COL5A1: variants seen among roughly 807,000 people sequenced by gnomAD.
The protein encoded by COL5A1 is collagen type V alpha 1 chain, also known as collagen alpha-1(V) chain.
COL5A1 carries 16 observed loss-of-function variants against 263.7 expected under a neutral mutation model. The ratio of observed to expected loss-of-function variants is 0.06; its 90% CI spans 0.04 to 0.09. COL5A1 has a LOEUF of 0.09. Ranked by LOEUF, COL5A1 falls within the 10% of genes least tolerant of loss-of-function variation. The pLI is 1.00. For missense variants in COL5A1, 2,036 were observed against 2,540.5 expected, an observed-to-expected ratio of 0.80 and a Z score of 4.27; for synonymous variants, 1,012 against 1,004.5, an observed-to-expected ratio of 1.01 and a Z score of -0.14.
chr9:134,706,469 G>A (rs536180560), intron 4 of COL5A1, among the ~76,000 whole-genome samples: 4 of 152,274 alleles, frequency 2.6e-5, no homozygotes, highest in African/African-American at 9.6e-5. Context: ...GGATGTGTGA[G>A]TTATCTTCAC....
intron 62 of COL5A1, among the ~76,000 whole-genome samples, chr9:134,825,172 A>G (rs947846843): frequency 5.3e-5 from 8 of 152,274 alleles, no homozygotes; most frequent in African/African-American, 1.9e-4. Context: ...GAACAGAAAC[A>G]TCTCCCAGGA....
intron 26 of COL5A1, 89 bp from the exon 27 acceptor site, chr9:134,774,770 G>T: frequency 7.5e-7 from 1 of 1,341,690 alleles, no homozygotes; most frequent in Non-Finnish European, 1.1e-6. Context: ...CTCAGCAGGA[G>T]GGGTATGCCG....
chr9:134,711,875 C>T (rs1270588300), intron 4 of COL5A1, among the ~76,000 whole-genome samples: 1 of 151,990 alleles, frequency 6.6e-6, no homozygotes, highest in Non-Finnish European at 1.5e-5. Context: ...CACTGCCTGG[C>T]CCTCCCCGCA....
At chr9:134,748,654 G>A (rs1835663389) in intron 11 of COL5A1, among the ~76,000 whole-genome samples, 1 of 152,178 alleles carries the variant, frequency 6.6e-6, no homozygotes, top group Non-Finnish European at 1.5e-5. Context: ...TGGCAGTTGG[G>A]AGCAATTGGG....
Position 134,680,488 on chromosome 9 carries a change from G to C in COL5A1, c.110-10424G>C, listed in dbSNP as rs572928490. 2.6e-5 allele frequency among the ~76,000 whole-genome samples: 4 copies of C among 152,350 alleles called. No homozygotes were observed. The South Asian group carries it at 8.3e-4, about 32-fold the overall frequency. ...CTGTTCCTCCATGACCCATGGCTGAGGACACCAACCTGGTCCCCGCTGTGG... is the reference window on the plus strand; with the variant it reads ...CTGTTCCTCCATGACCCATGGCTGACGACACCAACCTGGTCCCCGCTGTGG... On this transcript the variant is annotated intron_variant, in intron 1 of 65. Coordinates refer to ENST00000371817, the MANE Select transcript of COL5A1 (RefSeq NM_000093.5). The surrounding 1 kb of genome is among the most constrained non-coding windows in gnomAD (Gnocchi z 5.9).
chr9:134,647,452 CAT>C lies in COL5A1; in HGVS notation c.109+5157_109+5158del, dbSNP rs1491334837. Among the ~76,000 whole-genome samples the C allele has an allele frequency of 1.6e-4, 25 of 152,204 alleles. No individual in the cohort carries two copies. Among genetic ancestry groups the C allele is most frequent in the East Asian group, 5.8e-4 (3 of 5,196 alleles). On this transcript the variant is annotated intron_variant, in intron 1 of 65. Coordinates refer to ENST00000371817, the MANE Select transcript of COL5A1 (RefSeq NM_000093.5). This position sits in a 1 kb window ranked among gnomAD's most constrained non-coding sequence, Gnocchi z 5.0. Reference sequence around the variant, plus strand: ...TATCTCCCCGCGATCTGCCTGCACACATGTGTTTGTGGGTATACATGTGTGTT... The same window carrying C: ...TATCTCCCCGCGATCTGCCTGCACACGTGTTTGTGGGTATACATGTGTGTT...
chr9:134,712,042 C>CACCCTTCTTCCTGGT (rs1554784039), intron 4 of COL5A1, among the ~76,000 whole-genome samples: 1 of 86,282 alleles, frequency 1.2e-5, no homozygotes, highest in African/African-American at 5.1e-5. Flanking sequence ...CTTCTTCCTG[C>CACCCTTCTTCCTGGT]CCCCTTCTTC....
intron 32 of COL5A1, among the ~76,000 whole-genome samples, chr9:134,790,902 C>CAG (rs1242751865): frequency 6.6e-6 from 1 of 152,122 alleles, no homozygotes; most frequent in African/African-American, 2.4e-5. Context: ...ATATGGCCTT[C>CAG]TGCAGCTGGT....
At chr9:134,748,850 G>A (rs1835673978) in intron 11 of COL5A1, among the ~76,000 whole-genome samples, 1 of 152,252 alleles carries the variant, frequency 6.6e-6, no homozygotes, top group Non-Finnish European at 1.5e-5. Flanking sequence ...GGAGTCCATT[G>A]TGCCTGGGAG....
At chr9:134,645,194 C>G (rs1490720120) in intron 1 of COL5A1, among the ~76,000 whole-genome samples, 1 of 152,248 alleles carries the variant, frequency 6.6e-6, no homozygotes, top group Non-Finnish European at 1.5e-5. Context: ...TACTCCTGGG[C>G]TGCTCCTGCG....
intron 4 of COL5A1, chr9:134,709,293 C>T: frequency 4.1e-6 from 1 of 241,416 alleles, no homozygotes; most frequent in South Asian, 3.5e-5. Context: ...GGCTGCTGAG[C>T]TGTGCCTGGC....
chr9:134,823,273 G>T, intron 60 of COL5A1, 143 bp from the exon 61 acceptor site: 2 of 1,040,024 alleles, frequency 1.9e-6, no homozygotes, highest in South Asian at 1.3e-5. Context: ...GGGTACAGGG[G>T]TCTCTGCCAT....
chr9:134,838,022 G>A (rs1733439929), intron 65 of COL5A1, among the ~76,000 whole-genome samples: 1 of 152,208 alleles, frequency 6.6e-6, no homozygotes, highest in Admixed American at 6.5e-5. Context: ...GGCCATGGCT[G>A]CAGAGTCTCA....
At position 134,796,779 on chromosome 9, in the gene COL5A1, G is replaced by A; in HGVS notation, c.2845-69G>A. 3 of 1,440,482 alleles carry A rather than the reference G, an allele frequency of 2.1e-6. No homozygotes were observed. The East Asian group carries it at 6.8e-5, about 33-fold the overall frequency. The allele number at this position is 1,440,482 out of a possible 1,614,324, so 89.2% of individuals were successfully genotyped here. A position where few individuals can be genotyped will look rare whatever the true frequency, so the allele number is the denominator to read the frequency against. On this transcript the variant is annotated intron_variant, in intron 35 of 65. Coordinates refer to ENST00000371817, the MANE Select transcript of COL5A1 (RefSeq NM_000093.5). ...CTGCGTTCAGAGAGCCACCGGCACA[G>A]GCAGGTCAGCGGCAGGAGCTGCTCG... is the stretch of plus-strand genomic sequence containing the variant.
intron 1 of COL5A1, among the ~76,000 whole-genome samples, chr9:134,673,486 A>G (rs6537943): frequency 0.23 from 35,042 of 151,036 alleles, 5,150 homozygotes; most frequent in African/African-American, 0.41. Context: ...ATGCTAAGAT[A>G]CAATGGTGCT....
chr9:134,808,635 T>G (rs1288984178), intron 42 of COL5A1, among the ~76,000 whole-genome samples: 1 of 152,216 alleles, frequency 6.6e-6, no homozygotes, highest in Non-Finnish European at 1.5e-5. Flanking sequence ...CACATGCATG[T>G]GCATGCATGC....
At position 134,727,387 on chromosome 9, in the gene COL5A1, C is replaced by T; in HGVS notation, c.776C>T (p.Pro259Leu). The T allele has an allele frequency of 6.2e-7, 1 of 1,614,136 alleles. No individual in the cohort carries two copies. The highest frequency in any genetic ancestry group is 1.3e-5 in the African/African-American group (1 of 75,034). Residue 259 changes from proline to leucine, a missense_variant, in exon 5 of 66, where the codon CCA becomes CTA. Pro to Leu is a moderately conservative substitution (Grantham distance 98). This residue lies in a region of COL5A1 where 600 missense variants were observed against 634.5 expected (regional missense o/e 0.95). Coordinates refer to ENST00000371817, the MANE Select transcript of COL5A1 (RefSeq NM_000093.5). ...ACCCCACAGTCGCAGGACCCCAATC[C>T]AGATGAATATGTGAGTTAACTCTGG... is the stretch of plus-strand genomic sequence containing the variant. ...PDTPQSQDPN[P>L]DEYYTEGDGE...
rs184749082 is a variant in COL5A1 at position 134,755,638 on chromosome 9, T to C, written c.1828-1127T>C. On this transcript the variant is annotated intron_variant, in intron 16 of 65. Coordinates refer to ENST00000371817, the MANE Select transcript of COL5A1 (RefSeq NM_000093.5). The surrounding 1 kb of genome is among the most constrained non-coding windows in gnomAD (Gnocchi z 4.1). The stretch of plus-strand genomic sequence containing the variant: ...TGCGGGGCTGAGTTGTGCTGTGAAA[T>C]CCTGTGAAGTTTTCCGACAATCTTC... 1.3e-5 allele frequency among the ~76,000 whole-genome samples: 2 copies of C among 152,338 alleles called. No homozygotes were observed. Among genetic ancestry groups the C allele is most frequent in the African/African-American group, 4.8e-5 (2 of 41,568 alleles).
chr9:134,795,008 C>G (rs1012658947), intron 32 of COL5A1, 74 bp from the exon 33 acceptor site: 1 of 1,520,154 alleles, frequency 6.6e-7, no homozygotes, highest in Non-Finnish European at 9.1e-7. Context: ...CTCTCAATAA[C>G]CCGGGAGACA....
Sources: allele counts gnomAD v4.1 joint callset (sites outside exome capture counted in the v4.1 genomes callset), GRCh38; gene constraint gnomAD v4.1.1; regional missense constraint gnomAD v4.1.1; non-coding constraint Gnocchi (gnomAD v3.1); transcripts MANE v1.5; gene names NCBI Gene and HGNC (gene_info 2026-07-23, HGNC 2026-07-21).